Variants in GPC5 observed in about 807,000 individuals in gnomAD.
GPC5 encodes the protein glypican 5, also known as glypican-5.
Under a neutral mutation model 53.9 loss-of-function variants are expected in GPC5, and 47 were observed. The observed-to-expected ratio is 0.87, with a 90% confidence interval of 0.69 to 1.11. GPC5 has a LOEUF of 1.11. Ranked by LOEUF, GPC5 falls within the 50% of genes most tolerant of loss-of-function variation. The pLI is 0.00. For missense variants in GPC5, 748 were observed against 713.1 expected (o/e 1.05, Z -0.56); for synonymous variants, 286 against 263.3 (o/e 1.09, Z -0.84).
At chr13:91,473,596 T>C (rs1452140243) in intron 2 of GPC5, among the ~76,000 whole-genome samples, 1 of 152,152 alleles carries the variant, frequency 6.6e-6, no homozygotes, top group Admixed American at 6.6e-5. Context: ...TACTGTAAGC[T>C]TCAGTTTTAT....
At chr13:92,126,644 C>T (rs796879629) in intron 6 of GPC5, among the ~76,000 whole-genome samples, 42 of 152,170 alleles carry the variant, frequency 2.8e-4, no homozygotes, top group African/African-American at 1.0e-3. Context: ...ACTGTGCTAC[C>T]TGCAAAGCCA....
chr13:92,750,925 A>G, intron 7 of GPC5, among the ~76,000 whole-genome samples: 1 of 152,128 alleles, frequency 6.6e-6, no homozygotes, highest in East Asian at 1.9e-4. Flanking sequence ...CACTAAAAGC[A>G]TTTCTATAGA....
Position 91,530,743 on chromosome 13 carries a change from C to T in GPC5, c.325+81821C>T, listed in dbSNP as rs767227364. On this transcript the variant is annotated intron_variant, in intron 2 of 7. Transcript: ENST00000377067. The stretch of plus-strand genomic sequence containing the variant: ...TAAATGATGTGAATAACCAAGGGAG[C>T]GAGATATTGGAATATTTAGATTGCT... Among the ~76,000 whole-genome samples, 7 of 152,158 alleles carry T rather than the reference C, an allele frequency of 4.6e-5. No individual in the cohort carries two copies. In the South Asian group the frequency reaches 8.3e-4, roughly 18 times the overall value.
At chr13:91,990,345 T>C (rs1333415810) in intron 6 of GPC5, among the ~76,000 whole-genome samples, 1 of 152,196 alleles carries the variant, frequency 6.6e-6, no homozygotes, top group African/African-American at 2.4e-5. Flanking sequence ...ATGTGACAGA[T>C]AGATAATTTA....
intron 7 of GPC5, among the ~76,000 whole-genome samples, chr13:92,764,543 A>T (rs543193985): frequency 1.3e-5 from 2 of 152,288 alleles, no homozygotes; most frequent in South Asian, 2.1e-4. Context: ...CAAGGTGGTT[A>T]TGGGGGCTGC....
intron 5 of GPC5, among the ~76,000 whole-genome samples, chr13:91,810,361 C>G (rs2038290548): frequency 6.6e-6 from 1 of 151,902 alleles, no homozygotes; most frequent in Admixed American, 6.6e-5. Flanking sequence ...GATTAGGGCA[C>G]AGTATTTGAA....
At chr13:91,896,801 T>G (rs543440417) in intron 5 of GPC5, among the ~76,000 whole-genome samples, 2 of 152,296 alleles carry the variant, frequency 1.3e-5, no homozygotes, top group South Asian at 4.1e-4. Flanking sequence ...CACATGTAGT[T>G]TTATGGAACC....
At chr13:92,205,889 A>T (rs913403253) in intron 7 of GPC5, among the ~76,000 whole-genome samples, 1 of 151,930 alleles carries the variant, frequency 6.6e-6, no homozygotes, top group Admixed American at 6.6e-5. Flanking sequence ...TCTACTAAAA[A>T]TACAAAAATT....
rs111604933 is a variant in GPC5, at chr13:92,125,699, A to T, written c.1402-19131A>T. On this transcript the variant is annotated intron_variant, in intron 6 of 7. Transcript: ENST00000377067. ...TTGATTTAACAATTACTTTCTGAGCATCTGTGATGTGTAAGACACTATGTT... is the reference window on the plus strand; with the variant it reads ...TTGATTTAACAATTACTTTCTGAGCTTCTGTGATGTGTAAGACACTATGTT... 2.0e-3 allele frequency among the ~76,000 whole-genome samples: 307 copies of T among 152,248 alleles called. 2 individuals carry two copies. Among genetic ancestry groups the T allele is most frequent in the African/African-American group, 7.0e-3 (290 of 41,544 alleles).
intron 7 of GPC5, among the ~76,000 whole-genome samples, chr13:92,528,436 C>A (rs1203399719): frequency 1.3e-5 from 2 of 151,980 alleles, no homozygotes; most frequent in South Asian, 2.1e-4. Context: ...TTATGACATT[C>A]CTTCTAGAAT....
intron 3 of GPC5, among the ~76,000 whole-genome samples, chr13:91,724,336 G>A (rs1301077074): frequency 6.6e-6 from 1 of 152,080 alleles, no homozygotes; most frequent in African/African-American, 2.4e-5. Flanking sequence ...CATCCCAGAT[G>A]TGGCCTGAAG....
At chr13:92,628,260 C>CTTTTTTTTTTTTTTTTT (rs1286424637) in intron 7 of GPC5, among the ~76,000 whole-genome samples, 7 of 37,562 alleles carry the variant, frequency 1.9e-4, no homozygotes, top group African/African-American at 5.8e-4. Flanking sequence ...TTTTCTTTTT[C>CTTTTTTTTTTTTTTTTT]TTTCTTTTTT....
chr13:92,594,546 A>G (rs1883807682), intron 7 of GPC5, among the ~76,000 whole-genome samples: 1 of 152,160 alleles, frequency 6.6e-6, no homozygotes, highest in Non-Finnish European at 1.5e-5. Flanking sequence ...GTTCACCTTC[A>G]GTTTTGAGGG....
At position 91,590,426 on chromosome 13, in the gene GPC5, T is replaced by C. The variant is rs547516855; in HGVS notation, c.326-102761T>C. 4.9e-4 allele frequency among the ~76,000 whole-genome samples: 75 copies of C among 152,262 alleles called. 1 individual carries two copies. The South Asian group carries it at 0.014, about 29-fold the overall frequency. On this transcript the variant is annotated intron_variant, in intron 2 of 7. Transcript: ENST00000377067. ...CTGGAAAACATGAACATATATGGCA[T>C]AATATGTTTTCCTATATTTTCTCTT...
intron 7 of GPC5, among the ~76,000 whole-genome samples, chr13:92,730,952 A>G (rs755658640): frequency 4.0e-5 from 6 of 151,438 alleles, no homozygotes; most frequent in Non-Finnish European, 8.9e-5. Flanking sequence ...TTGTACTTGC[A>G]TGGAGATGAG....
chr13:91,443,753 A>G (rs9560796), intron 1 of GPC5, among the ~76,000 whole-genome samples: 67,505 of 152,010 alleles, frequency 0.44, 15,945 homozygotes, highest in Middle Eastern at 0.57. Context: ...CAGGGAAGGT[A>G]GGAATTATAT....
chr13:92,150,750 T>C (rs1441173253), intron 7 of GPC5, among the ~76,000 whole-genome samples: 2 of 152,070 alleles, frequency 1.3e-5, no homozygotes, highest in Non-Finnish European at 2.9e-5. Flanking sequence ...GGAGCCCTCC[T>C]AGCTTGCATT....
intron 7 of GPC5, among the ~76,000 whole-genome samples, chr13:92,822,142 G>A (rs1877694718): frequency 6.6e-6 from 1 of 151,934 alleles, no homozygotes; most frequent in South Asian, 2.1e-4. Context: ...TATTACAAAG[G>A]TTAAATATGT....
rs563236149 is a variant in GPC5, at chr13:92,588,246, G to A, written c.1562-278036G>A. 1.5e-4 allele frequency among the ~76,000 whole-genome samples: 23 copies of A among 152,262 alleles called. No homozygotes were observed. The South Asian group carries it at 3.7e-3, about 25-fold the overall frequency. ...CAGCTTCATCCATGTCTCTGCAAAG[G>A]ACATGAACTCATTCTTTTTTATGGC... On this transcript the variant is annotated intron_variant, in intron 7 of 7. Coordinates refer to ENST00000377067, the MANE Select transcript of GPC5 (RefSeq NM_004466.6).
Sources: allele counts gnomAD v4.1 joint callset (sites outside exome capture counted in the v4.1 genomes callset), GRCh38; gene constraint gnomAD v4.1.1; transcripts MANE v1.5; gene names NCBI Gene and HGNC (gene_info 2026-07-23, HGNC 2026-07-21).